The following IPO11 variants were observed in gnomAD, a reference collection of about 807,000 sequenced individuals.
IPO11 encodes the protein importin-11.
In IPO11, 66 loss-of-function variants were observed where a neutral mutation model predicts 143.2. The ratio of observed to expected loss-of-function variants is 0.46; its 90% CI spans 0.38 to 0.57. The LOEUF (loss-of-function observed/expected upper bound fraction) is 0.57. IPO11 is among the 20% of genes least tolerant of loss of function. The pLI is 0.00. For synonymous variants in IPO11, 385 were observed against 377.8 expected (o/e 1.02, Z -0.22); for missense variants, 1,026 against 1,141.0 (o/e 0.90, Z 1.45).
At chr5:62,600,910 G>A (rs752633645) in intron 28 of IPO11, among the ~76,000 whole-genome samples, 1 of 152,216 alleles carries the variant, frequency 6.6e-6, no homozygotes, top group Non-Finnish European at 1.5e-5. Context: ...GCAAGAATGA[G>A]CCTGATCAAG....
chr5:62,598,151 T>C (rs1472126513), intron 28 of IPO11, among the ~76,000 whole-genome samples: 1 of 152,172 alleles, frequency 6.6e-6, no homozygotes, highest in African/African-American at 2.4e-5. Context: ...ATTCTCCTGC[T>C]GAAAGTAATC....
chr5:62,436,957 G>C (rs369651910), intron 1 of IPO11, among the ~76,000 whole-genome samples: 1 of 152,164 alleles, frequency 6.6e-6, no homozygotes, highest in Non-Finnish European at 1.5e-5. Flanking sequence ...TCTTGGGCAC[G>C]TAATGGTACT....
intron 20 of IPO11, among the ~76,000 whole-genome samples, chr5:62,524,935 T>A (rs1038245392): frequency 6.6e-6 from 1 of 152,222 alleles, no homozygotes; most frequent in African/African-American, 2.4e-5. Flanking sequence ...GATATTATTA[T>A]GTTTTACAGA....
At chr5:62,538,481 G>A (rs371997232) in intron 24 of IPO11, among the ~76,000 whole-genome samples, 3 of 152,122 alleles carry the variant, frequency 2.0e-5, no homozygotes, top group African/African-American at 4.8e-5. Context: ...TCTCATGATA[G>A]TGAGTCCTCA....
chr5:62,560,060 C>CT (rs1743723013), intron 26 of IPO11, among the ~76,000 whole-genome samples: 1 of 151,854 alleles, frequency 6.6e-6, no homozygotes, highest in Non-Finnish European at 1.5e-5. Flanking sequence ...GCTGTATGTG[C>CT]TCTTGGCAAG....
At chr5:62,461,062 T>A (rs1009329055) in intron 5 of IPO11, among the ~76,000 whole-genome samples, 2 of 152,112 alleles carry the variant, frequency 1.3e-5, no homozygotes, top group Non-Finnish European at 2.9e-5. Context: ...GGCTGAAAGG[T>A]GTTAAAGAAA....
chr5:62,449,154 C>T (rs924894081), intron 3 of IPO11, among the ~76,000 whole-genome samples: 4 of 152,148 alleles, frequency 2.6e-5, no homozygotes, highest in African/African-American at 9.7e-5. Flanking sequence ...CTGCATTGGC[C>T]TCCCCAAAGT....
intron 19 of IPO11, among the ~76,000 whole-genome samples, chr5:62,510,294 A>C (rs1256563699): frequency 6.6e-6 from 1 of 152,188 alleles, no homozygotes; most frequent in Non-Finnish European, 1.5e-5. Flanking sequence ...TTCATTGAAA[A>C]ATCTCAAACC....
intron 5 of IPO11, among the ~76,000 whole-genome samples, chr5:62,464,143 GTTTTTTTTTTTTTTTT>G (rs34056674): frequency 1.3e-5 from 1 of 78,682 alleles, no homozygotes. Flanking sequence ...GTTTTTGGTG[GTTTTTTTTTTTTTTTT>G]TTTTTTTTTG....
At chr5:62,503,308 ATTAATATATTAATAGTAT>A (rs1561338143) in intron 16 of IPO11, among the ~76,000 whole-genome samples, 61 of 146,672 alleles carry the variant, frequency 4.2e-4, no homozygotes, top group South Asian at 1.3e-3. Flanking sequence ...ATCAGTATCT[ATTAATATATTAATAGTAT>A]CTACTAATAT....
intron 9 of IPO11, 142 bp downstream of exon 9, chr5:62,476,895 T>C: frequency 2.4e-6 from 2 of 844,936 alleles, no homozygotes; most frequent in Non-Finnish European, 3.3e-6. Flanking sequence ...AGCTAAAAAT[T>C]GCTTTTATAT....
At chr5:62,508,247 C>T (rs981269721) in intron 19 of IPO11, among the ~76,000 whole-genome samples, 8 of 151,978 alleles carry the variant, frequency 5.3e-5, no homozygotes, top group African/African-American at 1.9e-4. Context: ...TTCTTGTCCT[C>T]AGCCTCCTGA....
At chr5:62,420,303 A>G (rs1743464921) in intron 1 of IPO11, among the ~76,000 whole-genome samples, 1 of 151,932 alleles carries the variant, frequency 6.6e-6, no homozygotes, top group African/African-American at 2.4e-5. Context: ...AAAAAAAAAA[A>G]AAAAAAAGTA....
chr5:62,424,582 AG>A (rs1743650060), intron 1 of IPO11, among the ~76,000 whole-genome samples: 2 of 149,962 alleles, frequency 1.3e-5, no homozygotes, highest in Non-Finnish European at 3.0e-5. Flanking sequence ...CACCTGGCTA[AG>A]GTTTTTTTTT....
chr5:62,451,661 T>C, intron 4 of IPO11, 69 bp from the exon 5 acceptor site: 1 of 1,137,404 alleles, frequency 8.8e-7, no homozygotes, highest in Non-Finnish European at 1.3e-6. Flanking sequence ...ATTAACAAGG[T>C]GATTTGTCAC....
At chr5:62,530,887 A>C in intron 22 of IPO11, 102 bp downstream of exon 22, 1 of 850,194 alleles carries the variant, frequency 1.2e-6, no homozygotes, top group Non-Finnish European at 2.0e-6. Context: ...TGTAAGTTCA[A>C]CTTCTAGTTT....
At chr5:62,449,152 G>C (rs150194364) in intron 3 of IPO11, among the ~76,000 whole-genome samples, 5 of 152,088 alleles carry the variant, frequency 3.3e-5, no homozygotes, top group African/African-American at 1.2e-4. Flanking sequence ...TTCTGCATTG[G>C]CCTCCCCAAA....
intron 27 of IPO11, among the ~76,000 whole-genome samples, chr5:62,586,469 A>G (rs562871287): frequency 1.1e-3 from 162 of 152,170 alleles, no homozygotes; most frequent in African/African-American, 3.7e-3. Context: ...TACCTTTTCA[A>G]ATAACTTTGG....
chr5:62,429,498 A>C (rs1015039594), intron 1 of IPO11, among the ~76,000 whole-genome samples: 1 of 151,426 alleles, frequency 6.6e-6, no homozygotes, highest in African/African-American at 2.4e-5. Flanking sequence ...GCTCACTGCA[A>C]CCTCCGCCTC....
Sources: allele counts gnomAD v4.1 joint callset (sites outside exome capture counted in the v4.1 genomes callset), GRCh38; gene constraint gnomAD v4.1.1; transcripts MANE v1.5; gene names NCBI Gene and HGNC (gene_info 2026-07-23, HGNC 2026-07-21).